BRI3BP: variants seen among roughly 807,000 people sequenced by gnomAD.
BRI3BP encodes BRI3-binding protein.
A neutral mutation model predicts 15.8 loss-of-function variants in BRI3BP; 7 were observed. The ratio of observed to expected loss-of-function variants is 0.44; its 90% CI spans 0.25 to 0.83. BRI3BP has a LOEUF of 0.83. Among genes scored for constraint, BRI3BP ranks in the 40% least tolerant of loss-of-function variants. The pLI is 0.20. For missense variants in BRI3BP, 320 were observed against 339.3 expected, an observed-to-expected ratio of 0.94 and a Z score of 0.45; for synonymous variants, 192 against 163.5, an observed-to-expected ratio of 1.17 and a Z score of -1.33.
intron 2 of BRI3BP, among the ~76,000 whole-genome samples, chr12:125,017,840 C>T (rs1481820593): frequency 1.3e-5 from 2 of 152,206 alleles, no homozygotes; most frequent in Non-Finnish European, 2.9e-5. Flanking sequence ...TGCGTCGGCA[C>T]AGGGCAGGGG....
chr12:124,993,770 C>T lies in BRI3BP; in HGVS notation c.-21C>T. On this transcript the variant is annotated 5_prime_UTR_variant, in exon 1 of 3. Transcript: ENST00000341446. ...CACGGCCCTCACCCCGCATCGCGAC[C>T]CCGCGCCCCGCCGGCCGAGCATGGG... 2 of 1,007,102 alleles carry T rather than the reference C, an allele frequency of 2.0e-6. No individual in the cohort carries two copies. The highest frequency in any genetic ancestry group is 2.4e-6 in the Non-Finnish European group (2 of 846,758). 62.4% of individuals were successfully genotyped at this position (1,007,102 alleles called of 1,614,324 possible). A position where few individuals can be genotyped will look rare whatever the true frequency, so the allele number is the denominator to read the frequency against.
intron 1 of BRI3BP, among the ~76,000 whole-genome samples, chr12:124,996,882 CT>C (rs1955045406): frequency 6.6e-6 from 1 of 151,830 alleles, no homozygotes; most frequent in South Asian, 2.1e-4. Flanking sequence ...CCTCAGCCCC[CT>C]GAGTAGCTGG....
chr12:124,995,008 T>C (rs776862220), intron 1 of BRI3BP, among the ~76,000 whole-genome samples: 1 of 152,250 alleles, frequency 6.6e-6, no homozygotes, highest in Non-Finnish European at 1.5e-5. Flanking sequence ...GGTACCTTCC[T>C]GGCCCAGAAT....
At chr12:125,039,970 A>C in the BRI3BP span, among the ~76,000 whole-genome samples, 1 of 152,286 alleles carries the variant, frequency 6.6e-6, no homozygotes, top group East Asian at 1.9e-4. Flanking sequence ...ATTTGCAAAA[A>C]TGTAGGACAA....
intron 2 of BRI3BP, among the ~76,000 whole-genome samples, chr12:125,023,666 C>T (rs1484704501): frequency 6.6e-6 from 1 of 152,166 alleles, no homozygotes; most frequent in Non-Finnish European, 1.5e-5. Context: ...CCCACCTCAG[C>T]CTCCTGAGTA....
intron 2 of BRI3BP, among the ~76,000 whole-genome samples, 181 bp from the exon 3 acceptor site, chr12:125,024,810 G>T (rs1196791032): frequency 6.6e-6 from 1 of 151,908 alleles, no homozygotes; most frequent in Non-Finnish European, 1.5e-5. Flanking sequence ...AAAAAAAGAG[G>T]CTTCCCTGTG....
At chr12:125,046,294 C>A in the BRI3BP span, among the ~76,000 whole-genome samples, 1 of 152,168 alleles carries the variant, frequency 6.6e-6, no homozygotes, top group South Asian at 2.1e-4. Flanking sequence ...TGGCTCACAC[C>A]TGTAATCCCA....
chr12:125,019,634 C>CTTTGTTTTTTTTTTTTTTT (rs1565906073), intron 2 of BRI3BP, among the ~76,000 whole-genome samples: 1 of 45,540 alleles, frequency 2.2e-5, no homozygotes, highest in Non-Finnish European at 5.0e-5. Flanking sequence ...TTAATTCCAC[C>CTTTGTTTTTTTTTTTTTTT]CTTTTTTTTT....
downstream of BRI3BP, among the ~76,000 whole-genome samples, chr12:125,035,173 A>G (rs916551488): frequency 5.3e-5 from 8 of 152,200 alleles, no homozygotes; most frequent in Non-Finnish European, 1.2e-4. Flanking sequence ...CTTTGTATGA[A>G]CATACTTTTC....
In BRI3BP at chr12:125,025,256, C is replaced by G. The variant is rs776775028; in HGVS notation, c.582C>G (p.Val194=). 6.2e-7 allele frequency: 1 copy of G among 1,614,160 alleles called. No homozygotes were observed. The highest frequency in any genetic ancestry group is 8.5e-7 in the Non-Finnish European group (1 of 1,180,034). The stretch of plus-strand genomic sequence containing the variant: ...TGCCGCTGTGCTTCGTGGTGGCCGT[C>G]TACTTCATGACCGGGCCCATGGGCT... ...AVLPLCFVVA[V]YFMTGPMGFY... The change falls in exon 3 of 3, where the codon GTC becomes GTG. Residue 194 remains valine, a synonymous_variant. Coordinates refer to ENST00000341446, the MANE Select transcript of BRI3BP (RefSeq NM_080626.6).
At chr12:125,005,328 C>T (rs183798669) in intron 1 of BRI3BP, among the ~76,000 whole-genome samples, 15 of 152,330 alleles carry the variant, frequency 9.8e-5, no homozygotes, top group Non-Finnish European at 1.5e-5. Context: ...GCCCCCACCT[C>T]ATGCTTTTTC....
At position 125,025,850 on chromosome 12, in the gene BRI3BP, G is replaced by C. The variant is rs1231875800; in HGVS notation, c.*420G>C. The C allele has an allele frequency of 1.3e-5, 2 of 157,560 alleles. No individual in the cohort carries two copies. The highest frequency in any genetic ancestry group is 2.4e-5 in the African/African-American group (1 of 41,618). 9.8% of individuals were successfully genotyped at this position (157,560 alleles called of 1,614,324 possible). A position where few individuals can be genotyped will look rare whatever the true frequency, so the allele number is the denominator to read the frequency against. On this transcript the variant is annotated 3_prime_UTR_variant, in exon 3 of 3. Transcript: ENST00000341446. Reference sequence around the variant, plus strand: ...GGAAGAATATGCTAATTTGACATTTGAGAAAAGTTTAAATGCGAGCGTTTG... The same window carrying C: ...GGAAGAATATGCTAATTTGACATTTCAGAAAAGTTTAAATGCGAGCGTTTG...
chr12:124,995,467 C>T (rs1356069358), intron 1 of BRI3BP, among the ~76,000 whole-genome samples: 2 of 152,114 alleles, frequency 1.3e-5, no homozygotes, highest in African/African-American at 4.8e-5. Context: ...TCTCAACTGA[C>T]GGTGGTTCCA....
the BRI3BP span, among the ~76,000 whole-genome samples, chr12:125,042,264 A>T: frequency 6.6e-6 from 1 of 152,230 alleles, no homozygotes; most frequent in Non-Finnish European, 1.5e-5. Flanking sequence ...TGATAAGCAC[A>T]GTACCCGATA....
chr12:125,023,713 A>AC (rs1425624948), intron 2 of BRI3BP, among the ~76,000 whole-genome samples: 1 of 151,960 alleles, frequency 6.6e-6, no homozygotes, highest in Non-Finnish European at 1.5e-5. Context: ...CACCTGTCTA[A>AC]TTTTTTTAAA....
At chr12:125,037,476 G>C in the BRI3BP span, among the ~76,000 whole-genome samples, 1 of 152,212 alleles carries the variant, frequency 6.6e-6, no homozygotes, top group African/African-American at 2.4e-5. Context: ...TGCCCTGGAG[G>C]AAGTCCCATC....
intron 2 of BRI3BP, among the ~76,000 whole-genome samples, chr12:125,013,540 G>C (rs188657312): frequency 9.8e-5 from 15 of 152,332 alleles, no homozygotes; most frequent in Non-Finnish European, 2.1e-4. Flanking sequence ...GTGTGTGTAT[G>C]GGGGAACTGC....
chr12:125,049,329 A>G, the BRI3BP span, among the ~76,000 whole-genome samples: 37 of 152,270 alleles, frequency 2.4e-4, no homozygotes, highest in Middle Eastern at 6.8e-3. Flanking sequence ...CAGCTTGCGA[A>G]CGTGTTCCAC....
chr12:125,007,058 G>A (rs1022187702), intron 1 of BRI3BP, among the ~76,000 whole-genome samples: 1 of 151,922 alleles, frequency 6.6e-6, no homozygotes, highest in African/African-American at 2.4e-5. Context: ...AATTAGCCAG[G>A]TATGGTGGCA....
Sources: allele counts gnomAD v4.1 joint callset (sites outside exome capture counted in the v4.1 genomes callset), GRCh38; gene constraint gnomAD v4.1.1; transcripts MANE v1.5; gene names NCBI Gene and HGNC (gene_info 2026-07-23, HGNC 2026-07-21).